Variants in LYRM4 observed in about 807,000 individuals in gnomAD.
The protein encoded by LYRM4 is LYR motif-containing protein 4.
Under a neutral mutation model 11.7 loss-of-function variants are expected in LYRM4, and 9 were observed. The ratio of observed to expected loss-of-function variants is 0.77; its 90% confidence interval spans 0.46 to 1.34. The LOEUF (loss-of-function observed/expected upper bound fraction) is 1.34. Among genes scored for constraint, LYRM4 ranks in the 40% most tolerant of loss-of-function variants. LYRM4 has a pLI of 0.00. For missense variants in LYRM4, 133 were observed against 112.5 expected, an observed-to-expected ratio of 1.18 and a Z score of -0.82; for synonymous variants, 42 against 40.4, an observed-to-expected ratio of 1.04 and a Z score of -0.15.
chr6:5,119,358 C>A (rs547814231), intron 2 of LYRM4, among the ~76,000 whole-genome samples: 38 of 152,320 alleles, frequency 2.5e-4, no homozygotes, highest in Non-Finnish European at 5.0e-4. Context: ...CATCCACTGT[C>A]CCTGGGTGAC....
chr6:5,191,536 G>C (rs900332798), intron 2 of LYRM4, among the ~76,000 whole-genome samples: 4 of 152,174 alleles, frequency 2.6e-5, no homozygotes, highest in Admixed American at 1.3e-4. Flanking sequence ...TGAGAACTGA[G>C]ATAGATTAGT....
chr6:5,034,635 T>C, the LYRM4 span: 2 of 154,056 alleles, frequency 1.3e-5, no homozygotes, highest in African/African-American at 2.4e-5. Context: ...GGAAGCAGCC[T>C]GAACCCCTTA....
the LYRM4 span, among the ~76,000 whole-genome samples, chr6:5,080,312 C>T: frequency 6.6e-6 from 1 of 152,214 alleles, no homozygotes; most frequent in African/African-American, 2.4e-5. Flanking sequence ...GAAAAAAAGA[C>T]CAGTGCTGTT....
chr6:5,163,143 C>G (rs566857983), intron 2 of LYRM4, among the ~76,000 whole-genome samples: 1 of 152,188 alleles, frequency 6.6e-6, no homozygotes, highest in Non-Finnish European at 1.5e-5. Context: ...TTTAAGAAGT[C>G]TTTGCCTGCT....
In LYRM4 at chr6:5,109,322, C is replaced by A. The variant is rs571356430; in HGVS notation, c.*101G>T. 1.3e-6 allele frequency: 2 copies of A among 1,584,908 alleles called. No individual in the cohort carries two copies. The highest frequency in any genetic ancestry group is 1.3e-5 in the African/African-American group (1 of 74,554). ...ATCAGCTCCCACAGGACAGGCAGCG[C>A]AAAAGGCTATTGTAAGCTGGTTTTG... is the stretch of plus-strand genomic sequence containing the variant. On this transcript the variant is annotated 3_prime_UTR_variant, in exon 3 of 3. Coordinates refer to ENST00000330636, the MANE Select transcript of LYRM4 (RefSeq NM_020408.6).
chr6:5,251,177 T>TAC (rs149434064), intron 1 of LYRM4, among the ~76,000 whole-genome samples: 237 of 151,868 alleles, frequency 1.6e-3, no homozygotes, highest in Middle Eastern at 3.4e-3. Flanking sequence ...AATATATACA[T>TAC]ACACACACAC....
At chr6:5,048,698 C>G in the LYRM4 span, among the ~76,000 whole-genome samples, 1 of 152,194 alleles carries the variant, frequency 6.6e-6, no homozygotes, top group Non-Finnish European at 1.5e-5. Context: ...CACCTCATCA[C>G]TTTTTGCTTC....
intron 1 of LYRM4, among the ~76,000 whole-genome samples, chr6:5,231,362 T>A (rs1763231989): frequency 6.6e-6 from 1 of 152,216 alleles, no homozygotes; most frequent in Non-Finnish European, 1.5e-5. Context: ...AAAACCTTGC[T>A]GGGCTTCCCG....
chr6:5,063,104 C>T, the LYRM4 span, among the ~76,000 whole-genome samples: 52 of 152,270 alleles, frequency 3.4e-4, no homozygotes, highest in African/African-American at 1.2e-3. Context: ...AGAGGAGTCA[C>T]CTGTGGACAT....
At chr6:5,031,816 A>G in the LYRM4 span, 1 of 152,164 alleles carries the variant, frequency 6.6e-6, no homozygotes, top group Admixed American at 6.5e-5. Context: ...GTTTCCTGTT[A>G]TTTACATCAT....
chr6:5,208,169 G>T (rs1039174006), intron 2 of LYRM4, among the ~76,000 whole-genome samples: 1 of 152,188 alleles, frequency 6.6e-6, no homozygotes, highest in African/African-American at 2.4e-5. Flanking sequence ...CAGTGTGTGT[G>T]TAAGGAAGCA....
intron 2 of LYRM4, among the ~76,000 whole-genome samples, chr6:5,202,793 G>C (rs1247151294): frequency 1.3e-5 from 2 of 152,088 alleles, no homozygotes; most frequent in Admixed American, 6.5e-5. Context: ...TAGACTTTTT[G>C]CTTTTTTCAT....
the LYRM4 span, chr6:5,054,217 G>C: frequency 2.2e-6 from 1 of 461,910 alleles, no homozygotes; most frequent in African/African-American, 2.1e-5. Flanking sequence ...TTTATCAAAT[G>C]AATGCCTTGT....
the LYRM4 span, chr6:5,032,409 CAT>C: frequency 3.6e-4 from 55 of 152,076 alleles, no homozygotes; most frequent in African/African-American, 1.0e-3. Context: ...GGTATAATAA[CAT>C]ATTAAAATTA....
At chr6:5,169,681 G>A (rs557771247) in intron 2 of LYRM4, among the ~76,000 whole-genome samples, 2 of 152,270 alleles carry the variant, frequency 1.3e-5, no homozygotes, top group Admixed American at 1.3e-4. Flanking sequence ...CTTTGAAAGT[G>A]ATTCTTGTCT....
intron 1 of LYRM4, among the ~76,000 whole-genome samples, chr6:5,217,428 G>T (rs890994775): frequency 1.3e-5 from 2 of 152,180 alleles, no homozygotes; most frequent in African/African-American, 4.8e-5. Flanking sequence ...TTGCCCATCG[G>T]ACAGGCTTGG....
the LYRM4 span, among the ~76,000 whole-genome samples, chr6:5,081,134 C>CGGGGGGGGGGGGGG: frequency 7.9e-6 from 1 of 126,114 alleles, no homozygotes; most frequent in Admixed American, 7.7e-5. Flanking sequence ...CACACTTGGG[C>CGGGGGGGGGGGGGG]GGGGGGGGGG....
At chr6:5,141,170 G>A (rs747018728) in intron 2 of LYRM4, among the ~76,000 whole-genome samples, 18 of 152,194 alleles carry the variant, frequency 1.2e-4, no homozygotes, top group Non-Finnish European at 2.5e-4. Flanking sequence ...CCCTTCATAG[G>A]AATAATGCAG....
At position 5,260,601 on chromosome 6, in the gene LYRM4, C is replaced by T. The variant is rs889488702; in HGVS notation, c.86+47G>A. 1.1e-5 allele frequency: 13 copies of T among 1,202,568 alleles called. No individual in the cohort carries two copies. The African/African-American group carries it at 1.8e-4, about 16-fold the overall frequency. 74.5% of individuals were successfully genotyped at this position (1,202,568 alleles called of 1,614,324 possible). A position where few individuals can be genotyped will look rare whatever the true frequency, so the allele number is the denominator to read the frequency against. ...CCGCGTCAGCCCGCACCCCCGGTCC[C>T]CGGCCCCTGGCCCCCCGCCCCCGGC... On this transcript the variant is annotated intron_variant, in intron 1 of 2. Coordinates refer to ENST00000330636, the MANE Select transcript of LYRM4 (RefSeq NM_020408.6).
Sources: gnomAD v4.1 joint callset for allele counts (sites outside exome capture counted in the v4.1 genomes callset) on GRCh38, gnomAD v4.1.1 for gene constraint, MANE v1.5 for transcripts, NCBI Gene and HGNC (gene_info 2026-07-23, HGNC 2026-07-21) for gene names.